RSRC1: variants seen among roughly 807,000 people sequenced by gnomAD.
RSRC1 encodes the protein serine/Arginine-related protein 53.
A neutral mutation model predicts 49.1 loss-of-function variants in RSRC1; 39 were observed. That is an observed-to-expected ratio of 0.79 (90% CI 0.61 to 1.04). RSRC1 has a LOEUF of 1.04. Ranked by LOEUF, RSRC1 falls within the 50% of genes least tolerant of loss-of-function variation. RSRC1 has a pLI of 0.00. For missense variants in RSRC1, 388 were observed against 402.4 expected, an observed-to-expected ratio of 0.96 and a Z score of 0.31; for synonymous variants, 143 against 130.8, an observed-to-expected ratio of 1.09 and a Z score of -0.63.
chr3:158,157,416 G>A (rs529921617), intron 3 of RSRC1, among the ~76,000 whole-genome samples: 3 of 152,142 alleles, frequency 2.0e-5, no homozygotes, highest in South Asian at 2.1e-4. Flanking sequence ...GAAGAGAAAC[G>A]TAGGAATATC....
intron 4 of RSRC1, among the ~76,000 whole-genome samples, chr3:158,250,365 T>A (rs563797718): frequency 6.6e-6 from 1 of 152,272 alleles, no homozygotes; most frequent in African/African-American, 2.4e-5. Flanking sequence ...GGTAGTTCTA[T>A]TTTTAGTTTT....
At chr3:158,506,008 A>G (rs1169154290) in intron 7 of RSRC1, among the ~76,000 whole-genome samples, 1 of 152,198 alleles carries the variant, frequency 6.6e-6, no homozygotes, top group African/African-American at 2.4e-5. Flanking sequence ...TGTTAGCACT[A>G]CTGGGGAAAT....
intron 7 of RSRC1, among the ~76,000 whole-genome samples, chr3:158,532,924 T>A (rs1162512287): frequency 1.3e-5 from 2 of 151,774 alleles, no homozygotes; most frequent in Admixed American, 1.3e-4. Flanking sequence ...GCAGCACATA[T>A]AAACCATAAC....
chr3:158,543,840 T>C (rs1713179527), intron 9 of RSRC1, among the ~76,000 whole-genome samples: 1 of 152,162 alleles, frequency 6.6e-6, no homozygotes, highest in Non-Finnish European at 1.5e-5. Context: ...AGCTCTACTT[T>C]GTTCATTATC....
intron 5 of RSRC1, among the ~76,000 whole-genome samples, chr3:158,346,057 C>T (rs1175598636): frequency 1.3e-5 from 2 of 152,010 alleles, no homozygotes; most frequent in Non-Finnish European, 2.9e-5. Flanking sequence ...TAAAACAAAA[C>T]TATAAAACTT....
At chr3:158,284,040 C>A (rs546318080) in intron 4 of RSRC1, among the ~76,000 whole-genome samples, 5 of 151,206 alleles carry the variant, frequency 3.3e-5, no homozygotes, top group African/African-American at 9.7e-5. Context: ...ATCCCTCCCC[C>A]CTTCCCCCCA....
chr3:158,425,728 G>T (rs557816367), intron 6 of RSRC1, among the ~76,000 whole-genome samples: 1 of 152,040 alleles, frequency 6.6e-6, no homozygotes, highest in Admixed American at 6.6e-5. Context: ...AAGTCTCTTT[G>T]TAGGTCACTC....
intron 4 of RSRC1, among the ~76,000 whole-genome samples, chr3:158,252,274 G>A (rs1314137044): frequency 6.6e-6 from 1 of 151,492 alleles, no homozygotes; most frequent in Non-Finnish European, 1.5e-5. Flanking sequence ...CCATTCTCCT[G>A]CCTCAGCCTC....
chr3:158,437,706 A>G (rs887153206), intron 6 of RSRC1, among the ~76,000 whole-genome samples: 1 of 152,186 alleles, frequency 6.6e-6, no homozygotes, highest in Non-Finnish European at 1.5e-5. Flanking sequence ...CTCACAGCCA[A>G]TATCATACTG....
rs527557196 is a variant in RSRC1 at position 158,233,460 on chromosome 3, T to A, written c.494+30215T>A. On this transcript the variant is annotated intron_variant, in intron 4 of 9. Transcript: ENST00000611884. ...TAAGAAAAACATTAGGAATCTGAGTTAATGAAATAACTCATGATTATCTAA... is the reference window on the plus strand; with the variant it reads ...TAAGAAAAACATTAGGAATCTGAGTAAATGAAATAACTCATGATTATCTAA... 1.3e-5 allele frequency among the ~76,000 whole-genome samples: 2 copies of A among 152,260 alleles called. 1 individual carries two copies. Among genetic ancestry groups the A allele is most frequent in the African/African-American group, 4.8e-5 (2 of 41,580 alleles).
intron 3 of RSRC1, among the ~76,000 whole-genome samples, chr3:158,156,854 C>A (rs934602367): frequency 3.3e-5 from 5 of 152,034 alleles, no homozygotes; most frequent in African/African-American, 1.2e-4. Context: ...ATAACAGATA[C>A]AATAATAATG....
intron 6 of RSRC1, among the ~76,000 whole-genome samples, chr3:158,427,073 G>T (rs1387891634): frequency 1.3e-5 from 2 of 151,696 alleles, no homozygotes; most frequent in South Asian, 4.1e-4. Flanking sequence ...CCTGAGACAG[G>T]CTCAGTAGGG....
At chr3:158,373,117 C>T (rs1257825607) in intron 6 of RSRC1, among the ~76,000 whole-genome samples, 1 of 151,614 alleles carries the variant, frequency 6.6e-6, no homozygotes, top group Non-Finnish European at 1.5e-5. Context: ...TCTTTTTTGG[C>T]TTTTTAAAAA....
intron 4 of RSRC1, among the ~76,000 whole-genome samples, chr3:158,226,816 G>C (rs1008862937): frequency 7.9e-5 from 12 of 151,906 alleles, no homozygotes; most frequent in Admixed American, 2.6e-4. Flanking sequence ...TAACAGGATT[G>C]ATTTGTAGTT....
chr3:158,396,353 A>T (rs1288285612), intron 6 of RSRC1, among the ~76,000 whole-genome samples: 9 of 151,848 alleles, frequency 5.9e-5, no homozygotes, highest in East Asian at 1.9e-4. Flanking sequence ...AAGTTTTTTT[A>T]AAATCCCAAT....
rs1712866618 is a variant in RSRC1, at chr3:158,538,728, G to A, written c.759+1530G>A. On this transcript the variant is annotated intron_variant, in intron 8 of 9. Coordinates refer to ENST00000611884, the MANE Select transcript of RSRC1 (RefSeq NM_001271838.2). ...AGCATGCATTGAAAGGTAGGAAGTG[G>A]TGCTAACAGGAGAATATGCTATAAA... Among the ~76,000 whole-genome samples, 2 of 151,882 alleles carry A rather than the reference G, an allele frequency of 1.3e-5. 1 individual carries two copies. The highest frequency in any genetic ancestry group is 4.1e-4 in the South Asian group (2 of 4,822).
At chr3:158,160,925 C>T (rs1340597785) in intron 3 of RSRC1, among the ~76,000 whole-genome samples, 1 of 96,250 alleles carries the variant, frequency 1.0e-5, no homozygotes, top group East Asian at 4.0e-4. Context: ...TTACAGAGGT[C>T]AAATAATTTG....
intron 3 of RSRC1, among the ~76,000 whole-genome samples, chr3:158,155,569 C>G (rs375253988): frequency 3.3e-5 from 5 of 150,586 alleles, no homozygotes; most frequent in Admixed American, 1.3e-4. Flanking sequence ...GTAGGTGGGA[C>G]TACAGGAATG....
chr3:158,460,667 A>G (rs533393151), intron 6 of RSRC1, among the ~76,000 whole-genome samples: 20 of 151,932 alleles, frequency 1.3e-4, no homozygotes, highest in Admixed American at 3.3e-4. Context: ...TTCATATGTC[A>G]TCATTTAAAT....
Sources: allele counts gnomAD v4.1 joint callset (sites outside exome capture counted in the v4.1 genomes callset), GRCh38; gene constraint gnomAD v4.1.1; transcripts MANE v1.5; gene names NCBI Gene and HGNC (gene_info 2026-07-23, HGNC 2026-07-21).